RAD23B: variants seen among roughly 807,000 people sequenced by gnomAD.
RAD23B encodes the protein lysine-specific demethylase RAD23B.
In RAD23B, 5 loss-of-function variants were observed where a neutral mutation model predicts 49.1. The ratio of observed to expected loss-of-function variants is 0.10; its 90% CI spans 0.05 to 0.21. The LOEUF (loss-of-function observed/expected upper bound fraction) is 0.21. RAD23B is among the 10% of genes least tolerant of loss of function. RAD23B has a pLI of 1.00. For synonymous variants in RAD23B, 184 were observed against 165.4 expected (o/e 1.11, Z -0.86); for missense variants, 356 against 486.7 (o/e 0.73, Z 2.53).
At chr9:107,328,433 G>T (rs567943633) in intron 9 of RAD23B, among the ~76,000 whole-genome samples, 2 of 152,130 alleles carry the variant, frequency 1.3e-5, no homozygotes, top group East Asian at 3.9e-4. Context: ...GGTGGTTTTG[G>T]GATGAAACTG....
At chr9:107,284,885 C>T in intron 1 of RAD23B, 2 of 1,268,826 alleles carry the variant, frequency 1.6e-6, no homozygotes, top group Middle Eastern at 2.2e-4. Context: ...GGGATAATAC[C>T]TGCCTTGCAG....
In RAD23B at chr9:107,318,291, T is replaced by C. The variant is rs1587860929; in HGVS notation, c.554-461T>C. Reference sequence around the variant, plus strand: ...GGGAAGAATTTTTTTCCTGATCCTGTCCTACCATACCTTGGCTGGTAGCCC... The same window carrying C: ...GGGAAGAATTTTTTTCCTGATCCTGCCCTACCATACCTTGGCTGGTAGCCC... On this transcript the variant is annotated intron_variant, in intron 5 of 9. Transcript: ENST00000358015. This position sits in a 1 kb window ranked among gnomAD's most constrained non-coding sequence, Gnocchi z 4.3. Among the ~76,000 whole-genome samples, 1 of 152,182 alleles carries C rather than the reference T, an allele frequency of 6.6e-6. No individual in the cohort carries two copies. Among genetic ancestry groups the C allele is most frequent in the Non-Finnish European group, 1.5e-5 (1 of 68,026 alleles).
intron 4 of RAD23B, 127 bp from the exon 5 acceptor site, chr9:107,311,554 AC>A (rs1453747182): frequency 4.6e-6 from 3 of 655,160 alleles, no homozygotes; most frequent in Non-Finnish European, 7.3e-6. Flanking sequence ...CAGTTTAAAT[AC>A]TGTAGTCAGA....
intron 5 of RAD23B, among the ~76,000 whole-genome samples, chr9:107,315,092 T>G (rs1826964339): frequency 6.6e-6 from 1 of 152,188 alleles, no homozygotes; most frequent in Non-Finnish European, 1.5e-5. Flanking sequence ...TCTTCTAGGT[T>G]TTTTTGTAGT....
intron 1 of RAD23B, among the ~76,000 whole-genome samples, chr9:107,294,588 T>C (rs752867883): frequency 6.6e-6 from 1 of 152,238 alleles, no homozygotes; most frequent in African/African-American, 2.4e-5. Flanking sequence ...AGGCAGTCTT[T>C]CTTGCTAATC....
chr9:107,293,303 A>G (rs148417624), intron 1 of RAD23B, among the ~76,000 whole-genome samples: 359 of 152,328 alleles, frequency 2.4e-3, no homozygotes, highest in African/African-American at 8.5e-3. Flanking sequence ...TTAGTATGTG[A>G]AGGGTATGTA....
chr9:107,328,231 T>A (rs192769914), intron 9 of RAD23B, among the ~76,000 whole-genome samples: 3 of 152,344 alleles, frequency 2.0e-5, no homozygotes, highest in Admixed American at 6.5e-5. Flanking sequence ...TTGGGATTTT[T>A]GCCCAAATTT....
At chr9:107,323,821 T>A in intron 7 of RAD23B, 69 bp from the exon 8 acceptor site, 1 of 1,379,846 alleles carries the variant, frequency 7.2e-7, no homozygotes, top group Non-Finnish European at 1.0e-6. Context: ...GCTGTCTAAA[T>A]GTATTATTTA....
chr9:107,284,249 C>T, intron 1 of RAD23B: 1 of 982,370 alleles, frequency 1.0e-6, no homozygotes, highest in Non-Finnish European at 1.2e-6. Context: ...CTTTTATTTG[C>T]AAATGAATCG....
At chr9:107,304,484 T>C (rs1397765832) in intron 3 of RAD23B, among the ~76,000 whole-genome samples, 1 of 152,172 alleles carries the variant, frequency 6.6e-6, no homozygotes, top group African/African-American at 2.4e-5. Context: ...ATATTGGCTG[T>C]TAAGAAAGTT....
chr9:107,297,369 T>TG (rs1826549909), intron 1 of RAD23B, among the ~76,000 whole-genome samples: 1 of 152,060 alleles, frequency 6.6e-6, no homozygotes, highest in African/African-American at 2.4e-5. Flanking sequence ...GACAGAATCT[T>TG]GCTCTTGTCA....
chr9:107,297,768 C>T (rs972768551), intron 1 of RAD23B, among the ~76,000 whole-genome samples: 4 of 151,042 alleles, frequency 2.6e-5, no homozygotes, highest in African/African-American at 4.9e-5. Context: ...TTTGGTCCTC[C>T]CTCATTTTTG....
chr9:107,289,397 G>A (rs1833340597), intron 1 of RAD23B, among the ~76,000 whole-genome samples: 2 of 151,978 alleles, frequency 1.3e-5, no homozygotes, highest in Non-Finnish European at 2.9e-5. Context: ...TTTTATCCAG[G>A]CTGGTCTCCA....
chr9:107,297,144 G>A (rs899680711), intron 1 of RAD23B, among the ~76,000 whole-genome samples: 6 of 151,742 alleles, frequency 4.0e-5, no homozygotes, highest in Non-Finnish European at 8.8e-5. Flanking sequence ...GAGCCACTGC[G>A]CCTGGCCTCT....
At chr9:107,314,716 A>G (rs1826957432) in intron 5 of RAD23B, among the ~76,000 whole-genome samples, 1 of 152,196 alleles carries the variant, frequency 6.6e-6, no homozygotes, top group Admixed American at 6.5e-5. Flanking sequence ...ATTAAATGAT[A>G]GTTCTGTTTT....
intron 2 of RAD23B, 78 bp from the exon 3 acceptor site, chr9:107,301,956 TC>T: frequency 6.5e-7 from 1 of 1,533,728 alleles, no homozygotes; most frequent in Non-Finnish European, 8.8e-7. Flanking sequence ...TATTCATATT[TC>T]GAGTAGAAAG....
At chr9:107,325,882 G>C (rs921742590) in intron 9 of RAD23B, among the ~76,000 whole-genome samples, 10 of 152,072 alleles carry the variant, frequency 6.6e-5, no homozygotes, top group Non-Finnish European at 1.2e-4. Context: ...GTTTTTTGTG[G>C]ATGCCCTTTA....
chr9:107,313,453 C>T (rs560289103), intron 5 of RAD23B, among the ~76,000 whole-genome samples: 6 of 152,302 alleles, frequency 3.9e-5, no homozygotes, highest in African/African-American at 9.6e-5. Flanking sequence ...TCTCAATCTC[C>T]TGACCTTGTG....
chr9:107,306,704 A>C, intron 4 of RAD23B, 57 bp downstream of exon 4: 1 of 1,529,206 alleles, frequency 6.5e-7, no homozygotes, highest in Non-Finnish European at 8.9e-7. Flanking sequence ...CAGGAACTTC[A>C]TGCATTTATT....
Sources: gnomAD v4.1 joint callset for allele counts (sites outside exome capture counted in the v4.1 genomes callset) on GRCh38, gnomAD v4.1.1 for gene constraint, Gnocchi (gnomAD v3.1) non-coding constraint, MANE v1.5 for transcripts, NCBI Gene and HGNC (gene_info 2026-07-23, HGNC 2026-07-21) for gene names.